Variants in MYBPC2 observed in about 807,000 individuals in gnomAD.
MYBPC2 encodes the protein myosin binding protein C2, also known as myosin-binding protein C, fast-type.
In MYBPC2, 122 loss-of-function variants were observed where a neutral mutation model predicts 137.0. The ratio of observed to expected loss-of-function variants is 0.89; its 90% CI spans 0.77 to 1.03. MYBPC2 has a LOEUF of 1.03. Among genes scored for constraint, MYBPC2 ranks in the 50% least tolerant of loss-of-function variants. The pLI, the probability that MYBPC2 is intolerant of heterozygous loss-of-function variation, is 0.00. For missense variants in MYBPC2, 1,500 were observed against 1,534.4 expected, an observed-to-expected ratio of 0.98 and a Z score of 0.37; for synonymous variants, 626 against 612.3, an observed-to-expected ratio of 1.02 and a Z score of -0.33.
At position 50,464,401 on chromosome 19, in the gene MYBPC2, T is replaced by C. The variant is rs1399684943; in HGVS notation, c.3284T>C (p.Leu1095Pro). ...GAAATCCGTGAAGATCCCAAGTTCC[T>C]GATAACCAATTACCAAGGAGTCCTG... Reference protein sequence around the residue: ...KMEIREDPKFLITNYQGVLTL... With the variant: ...KMEIREDPKFPITNYQGVLTL... The change falls in exon 27 of 28, where the codon CTG becomes CCG. Residue 1095 changes from leucine (L) to proline (P), a missense_variant. Transcript: ENST00000357701. 1.2e-6 allele frequency: 2 copies of C among 1,611,280 alleles called. No individual in the cohort carries two copies. The highest frequency in any genetic ancestry group is 8.5e-7 in the Non-Finnish European group (1 of 1,178,934).
In MYBPC2 at chr19:50,455,386, G is replaced by A. The variant is rs190315336; in HGVS notation, c.2203+90G>A. 4.7e-4 allele frequency: 725 copies of A among 1,556,014 alleles called. 2 individuals are homozygous for A. Among genetic ancestry groups the A allele is most frequent in the Middle Eastern group, 2.9e-3 (17 of 5,828 alleles). ...TCCACCTCTGGCCCATCTTTTGCCCGCCATCAATCTCTGACCCTACCCCCT... is the reference window on the plus strand; with the variant it reads ...TCCACCTCTGGCCCATCTTTTGCCCACCATCAATCTCTGACCCTACCCCCT... On this transcript the variant is annotated intron_variant, in intron 19 of 27. Transcript: ENST00000357701.
In MYBPC2 at chr19:50,450,704, C is replaced by G. The variant is rs1327155108; in HGVS notation, c.1473-125C>G. On this transcript the variant is annotated intron_variant, in intron 13 of 27. Coordinates refer to ENST00000357701, the MANE Select transcript of MYBPC2 (RefSeq NM_004533.4). The stretch of plus-strand genomic sequence containing the variant: ...CGATTTGAAAATAGACCACAGCGTT[C>G]CAAAGCCCTGGATAAGAATGCAGGC... 5 of 673,370 alleles carry G rather than the reference C, an allele frequency of 7.4e-6. No homozygotes were observed. The African/African-American group carries it at 9.1e-5, about 12-fold the overall frequency. The allele number at this position is 673,370 out of a possible 1,614,324, so 41.7% of individuals were successfully genotyped here. A position where few individuals can be genotyped will look rare whatever the true frequency, so the allele number is the denominator to read the frequency against.
chr19:50,436,251 T>C (rs1453041206), intron 4 of MYBPC2, 91 bp downstream of exon 4: 18 of 1,489,360 alleles, frequency 1.2e-5, no homozygotes, highest in South Asian at 6.7e-5. Context: ...GAGGCATCAA[T>C]GTGGGCCTGG....
Position 50,458,880 on chromosome 19 carries a change from C to T in MYBPC2, c.2507-38C>T, listed in dbSNP as rs1371062580. 4.4e-6 allele frequency: 7 copies of T among 1,593,148 alleles called. 1 individual carries two copies. Among genetic ancestry groups the T allele is most frequent in the South Asian group, 3.4e-5 (3 of 88,734 alleles). The stretch of plus-strand genomic sequence containing the variant: ...CATTGGCCCCTGGAATGCGCCCCGG[C>T]CCCCCGCTGAGCCCCCTCCCTGTGT... On this transcript the variant is annotated intron_variant, in intron 21 of 27. Transcript: ENST00000357701.
intron 23 of MYBPC2, 92 bp downstream of exon 23, chr19:50,459,398 GGT>G: frequency 7.4e-7 from 1 of 1,353,356 alleles, no homozygotes; most frequent in East Asian, 2.5e-5. Flanking sequence ...TGGGGAAGGA[GGT>G]GGGAGATGAA....
At position 50,466,105 on chromosome 19, in the gene MYBPC2, T is replaced by TG; in HGVS notation, c.3416-89dup. On this transcript the variant is annotated intron_variant, in intron 27 of 27. Transcript: ENST00000357701. This position sits in a 1 kb window ranked among gnomAD's most constrained non-coding sequence, Gnocchi z 4.9. ...GATGGTGACCGTCATCCTGTCCCCCTGCTGGTCATGTGGATGCAGCTCCTC... is the reference window on the plus strand; with the variant it reads ...GATGGTGACCGTCATCCTGTCCCCCTGGCTGGTCATGTGGATGCAGCTCCTC... The TG allele has an allele frequency of 6.4e-7, 1 of 1,573,788 alleles. No individual in the cohort carries two copies. Among genetic ancestry groups the TG allele is most frequent in the Non-Finnish European group, 8.7e-7 (1 of 1,154,040 alleles).
intron 26 of MYBPC2, among the ~76,000 whole-genome samples, chr19:50,463,500 G>A (rs772247806): frequency 4.0e-5 from 6 of 151,594 alleles, no homozygotes; most frequent in Admixed American, 6.6e-5. Flanking sequence ...GCACTGTTTC[G>A]TGCTCTCATT....
At chr19:50,444,066 T>C (rs1467566531) in intron 11 of MYBPC2, among the ~76,000 whole-genome samples, 2 of 152,208 alleles carry the variant, frequency 1.3e-5, no homozygotes, top group African/African-American at 4.8e-5. Context: ...TTCCATTAAA[T>C]ATTCATTCAT....
chr19:50,442,458 T>A, intron 9 of MYBPC2, 145 bp downstream of exon 9: 1 of 1,240,816 alleles, frequency 8.1e-7, no homozygotes, highest in Non-Finnish European at 1.1e-6. Context: ...CTCACGCCTG[T>A]AATCCTAGCA....
At chr19:50,452,745 A>G (rs2039872926) in intron 16 of MYBPC2, among the ~76,000 whole-genome samples, 1 of 152,038 alleles carries the variant, frequency 6.6e-6, no homozygotes, top group African/African-American at 2.4e-5. Flanking sequence ...TTTTGTAGGG[A>G]CAGGGTTTCA....
At chr19:50,459,983 G>GGAAGC in intron 23 of MYBPC2, 57 bp from the exon 24 acceptor site, 2 of 1,544,006 alleles carry the variant, frequency 1.3e-6, no homozygotes. Flanking sequence ...GGGAGGGGAG[G>GGAAGC]GAAGCGGCTG....
chr19:50,454,427 T>A, intron 18 of MYBPC2, 58 bp downstream of exon 18: 70 of 1,336,800 alleles, frequency 5.2e-5, no homozygotes, highest in Admixed American at 3.9e-4. Flanking sequence ...TCTGTTTTTT[T>A]TTTTTTTTTT....
rs747892439 is a variant in MYBPC2, at chr19:50,435,241, G to A, written c.100G>A (p.Ala34Thr). The part of the protein sequence containing the change: ...EAPPKEAPAE[A>T]PKEAPPEDQS... ...TCCCCCTAAGGAGGCTCCTGCAGAGGCCCCCAAAGGTGAGGAGGTGCTCCC... is the reference window on the plus strand; with the variant it reads ...TCCCCCTAAGGAGGCTCCTGCAGAGACCCCCAAAGGTGAGGAGGTGCTCCC... The change falls in exon 2 of 28, where the codon GCC becomes ACC. Residue 34 changes from alanine (A) to threonine (T), a missense_variant. Transcript: ENST00000357701. The surrounding 1 kb of genome is among the most constrained non-coding windows in gnomAD (Gnocchi z 4.8). 2.4e-6 allele frequency: 3 copies of A among 1,248,734 alleles called. No individual in the cohort carries two copies. Among genetic ancestry groups the A allele is most frequent in the Admixed American group, 1.8e-5 (1 of 55,404 alleles). 77.4% of individuals were successfully genotyped at this position (1,248,734 alleles called of 1,614,324 possible). A position where few individuals can be genotyped will look rare whatever the true frequency, so the allele number is the denominator to read the frequency against.
At position 50,465,186 on chromosome 19, in the gene MYBPC2, G is replaced by A. The variant is rs1175318554; in HGVS notation, c.3415+654G>A. Among the ~76,000 whole-genome samples, 2 of 151,572 alleles carry A rather than the reference G, an allele frequency of 1.3e-5. No homozygotes were observed. Among genetic ancestry groups the A allele is most frequent in the Admixed American group, 6.6e-5 (1 of 15,230 alleles). ...GCTGGGGACTCCCCACCGCCCCAGC[G>A]CCCCTCCGCCTGGTGTTCACGGTGG... On this transcript the variant is annotated intron_variant, in intron 27 of 27. Coordinates refer to ENST00000357701, the MANE Select transcript of MYBPC2 (RefSeq NM_004533.4). The surrounding 1 kb of genome is among the most constrained non-coding windows in gnomAD (Gnocchi z 4.5).
Position 50,450,923 on chromosome 19 carries a change from C to T in MYBPC2, c.1567C>T (p.Leu523Phe). Reference protein sequence around the residue: ...DGYALSLSAKLNFLEIKVEYV... With the variant: ...DGYALSLSAKFNFLEIKVEYV... ...CTACGCCCTGTCGCTCTCGGCCAAG[C>T]TCAACTTCCTGGGTGAGGATGCCCC... The change falls in exon 14 of 28, where the codon CTC becomes TTC. Residue 523 changes from leucine (L) to phenylalanine (F), a missense_variant. Physicochemically the swap from Leu to Phe is conservative, Grantham distance 22. Transcript: ENST00000357701. 6.4e-7 allele frequency: 1 copy of T among 1,566,696 alleles called. No individual in the cohort carries two copies. The highest frequency in any genetic ancestry group is 8.7e-7 in the Non-Finnish European group (1 of 1,156,016).
intron 20 of MYBPC2, 54 bp from the exon 21 acceptor site, chr19:50,458,533 G>A (rs2039935167): frequency 6.3e-7 from 1 of 1,588,306 alleles, no homozygotes; most frequent in Non-Finnish European, 8.5e-7. Flanking sequence ...GGAGAAACGG[G>A]AGCGGAGGAT....
intron 1 of MYBPC2, among the ~76,000 whole-genome samples, chr19:50,434,862 A>G (rs1004419962): frequency 6.6e-6 from 1 of 152,112 alleles, no homozygotes; most frequent in Admixed American, 6.6e-5. Context: ...TCGGACCCAA[A>G]AGGTCAGGGC....
Position 50,458,546 on chromosome 19 carries a change from G to A in MYBPC2, c.2339-41G>A, listed in dbSNP as rs562100801. On this transcript the variant is annotated intron_variant, in intron 20 of 27. Transcript: ENST00000357701. ...CGGGAGAAACGGGAGCGGAGGATGGGAGGAGGGCACGAGATCCGCCAGCAG... is the reference window on the plus strand; with the variant it reads ...CGGGAGAAACGGGAGCGGAGGATGGAAGGAGGGCACGAGATCCGCCAGCAG... 187 of 1,601,294 alleles carry A rather than the reference G, an allele frequency of 1.2e-4. 2 individuals are homozygous for A. The South Asian group carries it at 2.0e-3, about 17-fold the overall frequency.
At chr19:50,452,034 C>A in intron 16 of MYBPC2, 31 bp downstream of exon 16, 1 of 1,545,876 alleles carries the variant, frequency 6.5e-7, no homozygotes, top group Non-Finnish European at 8.8e-7. Flanking sequence ...TGTCCTCACT[C>A]CCTTTCCGTT....
Sources: allele counts gnomAD v4.1 joint callset (sites outside exome capture counted in the v4.1 genomes callset), GRCh38; gene constraint gnomAD v4.1.1; non-coding constraint Gnocchi (gnomAD v3.1); transcripts MANE v1.5; gene names NCBI Gene and HGNC (gene_info 2026-07-23, HGNC 2026-07-21).